The following CHSY3 variants were observed in gnomAD, a reference collection of about 807,000 sequenced individuals.
CHSY3 encodes the protein N-acetylgalactosaminyl-proteoglycan 3-beta-glucuronosyltransferase 3.
In CHSY3, 35 loss-of-function variants were observed where a neutral mutation model predicts 67.2. That is an observed-to-expected ratio of 0.52 (90% CI 0.40 to 0.69). CHSY3 has a LOEUF of 0.69. Among genes scored for constraint, CHSY3 ranks in the 30% least tolerant of loss-of-function variants. CHSY3 has a pLI of 0.00. For missense variants in CHSY3, 1,069 were observed against 1,138.5 expected, an observed-to-expected ratio of 0.94 and a Z score of 0.88; for synonymous variants, 474 against 434.7, an observed-to-expected ratio of 1.09 and a Z score of -1.12.
intron 2 of CHSY3, among the ~76,000 whole-genome samples, chr5:130,125,648 T>G (rs1414228212): frequency 6.6e-6 from 1 of 152,172 alleles, no homozygotes; most frequent in African/African-American, 2.4e-5. Context: ...CAAAATTTAG[T>G]CTCTTGATCC....
At chr5:129,966,202 A>G (rs185942776) in intron 2 of CHSY3, among the ~76,000 whole-genome samples, 14 of 151,878 alleles carry the variant, frequency 9.2e-5, no homozygotes, top group Admixed American at 7.2e-4. Flanking sequence ...AGTGTGGAGT[A>G]TTTTTCTTCT....
rs1422184276 is a variant in CHSY3, at chr5:129,905,009, G to C, written c.180G>C (p.Gln60His). 8 of 1,564,816 alleles carry C rather than the reference G, an allele frequency of 5.1e-6. No individual in the cohort carries two copies. The highest frequency in any genetic ancestry group is 6.9e-6 in the Non-Finnish European group (8 of 1,161,878). The change falls in exon 1 of 3, where the codon CAG becomes CAC. Residue 60 changes from glutamine to histidine, a missense_variant. Coordinates refer to ENST00000305031, the MANE Select transcript of CHSY3 (RefSeq NM_175856.5). ...CTGCTGGCCCCCGCGCCGGCGCTCA[G>C]CAGCCGCTCCCCCAGCCCCAGTCCC... ...RSAAGPRAGA[Q>H]QPLPQPQSRP...
At chr5:130,115,570 G>C (rs1006996005) in intron 2 of CHSY3, among the ~76,000 whole-genome samples, 2 of 152,178 alleles carry the variant, frequency 1.3e-5, no homozygotes, top group Middle Eastern at 3.4e-3. Flanking sequence ...CTCTTTAAAT[G>C]TATTTATTAA....
intron 2 of CHSY3, among the ~76,000 whole-genome samples, chr5:130,181,382 T>G (rs1770238181): frequency 6.6e-6 from 1 of 152,152 alleles, no homozygotes; most frequent in Non-Finnish European, 1.5e-5. Flanking sequence ...AGAATTCTAG[T>G]TTTAATTTTA....
chr5:130,017,286 A>G (rs1459395878), intron 2 of CHSY3, among the ~76,000 whole-genome samples: 1 of 151,856 alleles, frequency 6.6e-6, no homozygotes, highest in Non-Finnish European at 1.5e-5. Context: ...GATATTCTAG[A>G]GTTTAGCAGC....
chr5:130,068,778 G>A (rs1765966170), intron 2 of CHSY3, among the ~76,000 whole-genome samples: 1 of 152,152 alleles, frequency 6.6e-6, no homozygotes, highest in South Asian at 2.1e-4. Flanking sequence ...GCCTGCCACT[G>A]TCAGGTTCTG....
At chr5:129,955,032 CT>C (rs1205692992) in intron 2 of CHSY3, among the ~76,000 whole-genome samples, 1 of 152,012 alleles carries the variant, frequency 6.6e-6, no homozygotes, top group Non-Finnish European at 1.5e-5. Flanking sequence ...CAATACTCTG[CT>C]AATTTTTGTA....
chr5:129,933,725 A>T (rs899718551), intron 2 of CHSY3, among the ~76,000 whole-genome samples: 2 of 152,158 alleles, frequency 1.3e-5, no homozygotes, highest in African/African-American at 4.8e-5. Context: ...ATATAACCCT[A>T]CACTCATTTA....
intron 2 of CHSY3, among the ~76,000 whole-genome samples, chr5:130,062,666 T>A (rs1438802113): frequency 1.3e-5 from 2 of 152,142 alleles, no homozygotes; most frequent in South Asian, 2.1e-4. Flanking sequence ...CAGAGGAAAT[T>A]CATGTTTCTA....
chr5:130,014,438 C>G (rs1477619620), intron 2 of CHSY3, among the ~76,000 whole-genome samples: 1 of 152,122 alleles, frequency 6.6e-6, no homozygotes, highest in South Asian at 2.1e-4. Flanking sequence ...AGTAAACTTA[C>G]AATCATGGTG....
intron 2 of CHSY3, among the ~76,000 whole-genome samples, chr5:130,182,565 A>G (rs1450298740): frequency 1.3e-5 from 2 of 152,100 alleles, no homozygotes; most frequent in Non-Finnish European, 2.9e-5. Context: ...ATCTTCACAT[A>G]CCCAAAAGTC....
At chr5:130,053,721 G>A (rs1209666816) in intron 2 of CHSY3, among the ~76,000 whole-genome samples, 1 of 152,118 alleles carries the variant, frequency 6.6e-6, no homozygotes, top group Non-Finnish European at 1.5e-5. Context: ...GAAAAGGGAA[G>A]AGTTAAAGAA....
chr5:129,934,715 C>T (rs1368293553), intron 2 of CHSY3, among the ~76,000 whole-genome samples: 2 of 152,060 alleles, frequency 1.3e-5, no homozygotes, highest in African/African-American at 4.8e-5. Flanking sequence ...ACATAGATAC[C>T]CCATATTTTG....
intron 2 of CHSY3, among the ~76,000 whole-genome samples, chr5:129,924,529 C>T (rs1339428954): frequency 6.6e-6 from 1 of 151,478 alleles, no homozygotes; most frequent in East Asian, 2.0e-4. Flanking sequence ...GCCTGTAGTC[C>T]CAGCTGCTCG....
intron 2 of CHSY3, among the ~76,000 whole-genome samples, chr5:130,115,936 A>G (rs1220102266): frequency 6.6e-6 from 1 of 152,148 alleles, no homozygotes; most frequent in Non-Finnish European, 1.5e-5. Context: ...ACCTCCTTCT[A>G]CGATGGCTCA....
intron 2 of CHSY3, among the ~76,000 whole-genome samples, chr5:130,019,672 T>C (rs184312356): frequency 2.6e-5 from 4 of 152,338 alleles, no homozygotes; most frequent in Admixed American, 1.3e-4. Context: ...TGTCTCTTAG[T>C]TTTTACAACT....
At chr5:129,931,769 G>T (rs1037558118) in intron 2 of CHSY3, among the ~76,000 whole-genome samples, 7 of 152,078 alleles carry the variant, frequency 4.6e-5, no homozygotes, top group African/African-American at 1.4e-4. Context: ...TTTTAGGTAG[G>T]GAGGGGGAAA....
intron 1 of CHSY3, among the ~76,000 whole-genome samples, chr5:129,907,203 T>A (rs1760339129): frequency 6.6e-6 from 1 of 152,240 alleles, no homozygotes; most frequent in African/African-American, 2.4e-5. Flanking sequence ...TTTGAAAGAT[T>A]GTCCTTCAGA....
At chr5:130,064,028 A>G (rs1405356348) in intron 2 of CHSY3, among the ~76,000 whole-genome samples, 1 of 152,070 alleles carries the variant, frequency 6.6e-6, no homozygotes, top group Non-Finnish European at 1.5e-5. Context: ...ATGATTTAGG[A>G]GGAATTACTC....
Sources: gnomAD v4.1 joint callset for allele counts (sites outside exome capture counted in the v4.1 genomes callset) on GRCh38, gnomAD v4.1.1 for gene constraint, MANE v1.5 for transcripts, NCBI Gene and HGNC (gene_info 2026-07-23, HGNC 2026-07-21) for gene names.